Variants in UBXN2B observed in about 807,000 individuals in gnomAD.
UBXN2B encodes UBX domain protein 2B, also known as UBX domain-containing protein 2B.
Under a neutral mutation model 37.5 loss-of-function variants are expected in UBXN2B, and 19 were observed. The ratio of observed to expected loss-of-function variants is 0.51; its 90% CI spans 0.35 to 0.74. The LOEUF (loss-of-function observed/expected upper bound fraction) is 0.74. UBXN2B is among the 30% of genes least tolerant of loss of function. The probability of loss-of-function intolerance (pLI) is 0.01; values close to 1 mark genes in which losing one functional copy is unlikely to be tolerated. For synonymous variants in UBXN2B, 145 were observed against 143.8 expected, an observed-to-expected ratio of 1.01 and a Z score of -0.06; for missense variants, 370 against 393.2, an observed-to-expected ratio of 0.94 and a Z score of 0.50.
In UBXN2B at chr8:58,441,348, C is replaced by CATATATATATATATATAT. The variant is rs33952664; in HGVS notation, c.671+1581_671+1598dup. Among the ~76,000 whole-genome samples the CATATATATATATATATAT allele has an allele frequency of 2.4e-3, 256 of 104,594 alleles. 4 individuals are homozygous for CATATATATATATATATAT. Among genetic ancestry groups the CATATATATATATATATAT allele is most frequent in the African/African-American group, 7.7e-3 (193 of 24,966 alleles). 68.6% of individuals were successfully genotyped at this position (104,594 alleles called of 152,430 possible). A position where few individuals can be genotyped will look rare whatever the true frequency, so the allele number is the denominator to read the frequency against. ...TTTTTACTCCTCTTGTTGTGATCAA[C>CATATATATATATATATAT]ATATATATATATATATATATGTATG... On this transcript the variant is annotated intron_variant, in intron 6 of 7. Transcript: ENST00000399598.
At chr8:58,446,899 G>A (rs1350038926) in intron 7 of UBXN2B, among the ~76,000 whole-genome samples, 1 of 138,914 alleles carries the variant, frequency 7.2e-6, no homozygotes, top group East Asian at 2.3e-4. Flanking sequence ...CCAGATTCAA[G>A]CAATTCTCAT....
chr8:58,424,501 A>C (rs1476904636), intron 2 of UBXN2B: 2 of 675,930 alleles, frequency 3.0e-6, no homozygotes, highest in African/African-American at 3.6e-5. Context: ...TTTGGTCTTC[A>C]CATAAACTTT....
At chr8:58,424,989 A>G (rs1387112770) in intron 2 of UBXN2B, 10 of 789,734 alleles carry the variant, frequency 1.3e-5, no homozygotes, top group Non-Finnish European at 2.1e-5. Context: ...GGCCAATTCC[A>G]GCACTGCCGT....
intron 1 of UBXN2B, among the ~76,000 whole-genome samples, chr8:58,415,137 A>G (rs1807741791): frequency 6.6e-6 from 1 of 152,120 alleles, no homozygotes; most frequent in East Asian, 1.9e-4. Flanking sequence ...AGTAATGACA[A>G]CATAATGCTT....
At chr8:58,439,911 C>G in intron 6 of UBXN2B, 141 bp downstream of exon 6, 1 of 636,298 alleles carries the variant, frequency 1.6e-6, no homozygotes, top group Admixed American at 3.6e-5. Flanking sequence ...AATATTATAT[C>G]ATAATATTAT....
chr8:58,439,951 A>ATATCATGTGATACCATTATATCATAAT (rs1808503148), intron 6 of UBXN2B, among the ~76,000 whole-genome samples, 181 bp downstream of exon 6: 2 of 79,864 alleles, frequency 2.5e-5, no homozygotes, highest in Non-Finnish European at 6.1e-5. Flanking sequence ...TCATAATATT[A>ATATCATGTGATACCATTATATCATAAT]ATTGTGATAT....
intron 5 of UBXN2B, chr8:58,434,966 A>C: frequency 6.5e-7 from 1 of 1,535,220 alleles, no homozygotes; most frequent in Non-Finnish European, 8.7e-7. Context: ...TGAAGTTATA[A>C]TTTGTGAAAG....
At chr8:58,443,363 A>G (rs1161743700) in intron 6 of UBXN2B, among the ~76,000 whole-genome samples, 1 of 152,174 alleles carries the variant, frequency 6.6e-6, no homozygotes, top group Non-Finnish European at 1.5e-5. Context: ...ACCTTGTTGT[A>G]CCAATTAATT....
intron 6 of UBXN2B, among the ~76,000 whole-genome samples, chr8:58,440,588 T>C (rs1808515540): frequency 6.6e-6 from 1 of 152,214 alleles, no homozygotes; most frequent in Non-Finnish European, 1.5e-5. Flanking sequence ...TTAAAATATG[T>C]TGGTAAAAGT....
chr8:58,426,672 C>A, intron 2 of UBXN2B: 1 of 733,504 alleles, frequency 1.4e-6, no homozygotes. Context: ...GTGAAACCAT[C>A]TCTACAATGT....
At chr8:58,431,530 T>C (rs1358570000) in intron 3 of UBXN2B, among the ~76,000 whole-genome samples, 1 of 152,204 alleles carries the variant, frequency 6.6e-6, no homozygotes, top group African/African-American at 2.4e-5. Context: ...CTGTGAGCAA[T>C]TGGGTACAGG....
chr8:58,423,433 T>TG (rs1807982256), intron 2 of UBXN2B, among the ~76,000 whole-genome samples: 2 of 150,598 alleles, frequency 1.3e-5, no homozygotes, highest in Middle Eastern at 3.4e-3. Context: ...GGTTTTTTTT[T>TG]TGTTGTTGTT....
intron 2 of UBXN2B, among the ~76,000 whole-genome samples, chr8:58,421,154 A>G (rs1307819257): frequency 2.0e-5 from 3 of 152,120 alleles, no homozygotes; most frequent in Non-Finnish European, 4.4e-5. Flanking sequence ...CTCTAAAAAC[A>G]ATCTTGACCA....
chr8:58,435,109 T>A, intron 5 of UBXN2B: 1 of 1,414,866 alleles, frequency 7.1e-7, no homozygotes, highest in African/African-American at 1.4e-5. Context: ...TTAAACTAGC[T>A]GAAAGTGGAG....
At chr8:58,433,671 C>A (rs909093700) in intron 4 of UBXN2B, among the ~76,000 whole-genome samples, 21 of 150,238 alleles carry the variant, frequency 1.4e-4, no homozygotes, top group Non-Finnish European at 2.1e-4. Flanking sequence ...CACAGTGGCT[C>A]ACGCCTATAA....
chr8:58,422,469 C>T (rs1043773485), intron 2 of UBXN2B, among the ~76,000 whole-genome samples: 1 of 152,224 alleles, frequency 6.6e-6, no homozygotes, highest in Non-Finnish European at 1.5e-5. Flanking sequence ...ATGATATTTT[C>T]ATTGAAATAT....
At chr8:58,441,765 A>C (rs1808556390) in intron 6 of UBXN2B, among the ~76,000 whole-genome samples, 1 of 152,190 alleles carries the variant, frequency 6.6e-6, no homozygotes, top group Non-Finnish European at 1.5e-5. Context: ...GAAAGGAGAA[A>C]CTGATGGAAG....
chr8:58,420,712 AT>A (rs1361466224), intron 2 of UBXN2B, among the ~76,000 whole-genome samples: 3 of 152,236 alleles, frequency 2.0e-5, no homozygotes, highest in African/African-American at 7.2e-5. Flanking sequence ...ACTTGTCAAA[AT>A]TAGTTTGATA....
intron 5 of UBXN2B, 23 bp from the exon 6 acceptor site, chr8:58,439,610 C>CT: frequency 6.3e-7 from 1 of 1,586,256 alleles, no homozygotes; most frequent in South Asian, 1.2e-5. Context: ...TTAATGATAA[C>CT]TTTTTTCCCC....
Sources: allele counts gnomAD v4.1 joint callset (sites outside exome capture counted in the v4.1 genomes callset), GRCh38; gene constraint gnomAD v4.1.1; transcripts MANE v1.5; gene names NCBI Gene and HGNC (gene_info 2026-07-23, HGNC 2026-07-21).